The following FHIT variants were observed in gnomAD, a reference collection of about 807,000 sequenced individuals.
The protein encoded by FHIT is bis(5'-adenosyl)-triphosphatase.
FHIT carries 19 observed loss-of-function variants against 17.9 expected under a neutral mutation model. The observed-to-expected ratio is 1.06, with a 90% CI of 0.74 to 1.56. The LOEUF is 1.56. Among genes scored for constraint, FHIT ranks in the 40% most tolerant of loss-of-function variants. The pLI is 0.00. For synonymous variants in FHIT, 81 were observed against 69.7 expected, an observed-to-expected ratio of 1.16 and a Z score of -0.81; for missense variants, 248 against 189.2, an observed-to-expected ratio of 1.31 and a Z score of -1.82.
At chr3:60,182,756 C>T (rs576884822) in intron 5 of FHIT, among the ~76,000 whole-genome samples, 9 of 152,146 alleles carry the variant, frequency 5.9e-5, no homozygotes, top group African/African-American at 1.9e-4. Flanking sequence ...GCACTGCAGC[C>T]TGGGTGACAG....
chr3:60,632,099 TTTG>T (rs1553682600), intron 4 of FHIT, among the ~76,000 whole-genome samples: 3 of 152,122 alleles, frequency 2.0e-5, no homozygotes, highest in African/African-American at 7.2e-5. Flanking sequence ...TTTTTTGTTT[TTTG>T]TTTTTTTTTA....
intron 2 of FHIT, among the ~76,000 whole-genome samples, chr3:61,120,051 C>T (rs990855527): frequency 8.5e-5 from 13 of 152,222 alleles, no homozygotes; most frequent in Admixed American, 3.3e-4. Context: ...CTCTGAGTTA[C>T]AAGAGATAAT....
chr3:60,445,857 T>C (rs1177446119), intron 5 of FHIT, among the ~76,000 whole-genome samples: 1 of 152,104 alleles, frequency 6.6e-6, no homozygotes, highest in Admixed American at 6.6e-5. Context: ...CATCTTCCTA[T>C]GCAGAGAGAA....
intron 2 of FHIT, among the ~76,000 whole-genome samples, chr3:61,151,853 G>A (rs1269030527): frequency 6.6e-6 from 1 of 152,034 alleles, no homozygotes; most frequent in Non-Finnish European, 1.5e-5. Flanking sequence ...AAAGTACTGG[G>A]ATTATAGGCA....
intron 7 of FHIT, among the ~76,000 whole-genome samples, chr3:59,933,386 A>G (rs555448962): frequency 2.6e-5 from 4 of 152,326 alleles, no homozygotes; most frequent in East Asian, 3.9e-4. Context: ...TGCCATTTAC[A>G]TAAGAATATT....
rs1238853463 is a variant in FHIT at position 60,634,324 on chromosome 3, G to A, written c.-17-97345C>T. Among the ~76,000 whole-genome samples, 3 of 152,036 alleles carry A rather than the reference G, an allele frequency of 2.0e-5. No individual in the cohort carries two copies. In the East Asian group the frequency reaches 5.8e-4, roughly 29 times the overall value. On this transcript the variant is annotated intron_variant, in intron 4 of 9. Coordinates refer to ENST00000492590, the MANE Select transcript of FHIT (RefSeq NM_002012.4). ...AAATCTTTTCAAAAGCTAACAAACT[G>A]AACTAGGAGACGAAGAAAGAAAATT...
chr3:60,097,677 TTTC>T (rs1704013684), intron 5 of FHIT, among the ~76,000 whole-genome samples: 1 of 152,166 alleles, frequency 6.6e-6, no homozygotes, highest in African/African-American at 2.4e-5. Context: ...TTTTTAATCT[TTTC>T]TTAATTCTAC....
chr3:59,829,176 T>C (rs926275728), intron 8 of FHIT, among the ~76,000 whole-genome samples: 1 of 152,188 alleles, frequency 6.6e-6, no homozygotes, highest in African/African-American at 2.4e-5. Context: ...CAACTATGGA[T>C]AGTAATATTA....
intron 3 of FHIT, among the ~76,000 whole-genome samples, chr3:61,020,632 C>T (rs1170159239): frequency 6.6e-6 from 1 of 152,170 alleles, no homozygotes; most frequent in Admixed American, 6.5e-5. Context: ...AAATAAGTAG[C>T]TAGCATCATA....
chr3:60,803,206 G>C (rs974865656), intron 4 of FHIT, among the ~76,000 whole-genome samples: 1 of 152,112 alleles, frequency 6.6e-6, no homozygotes, highest in Non-Finnish European at 1.5e-5. Context: ...TTTGTTAATG[G>C]GAAAAAGCAC....
chr3:60,568,358 CA>C (rs1399513992), intron 4 of FHIT, among the ~76,000 whole-genome samples: 2 of 151,772 alleles, frequency 1.3e-5, no homozygotes, highest in Non-Finnish European at 2.9e-5. Flanking sequence ...ATCACAAGGA[CA>C]AAAAACCAAA....
chr3:59,983,816 G>T (rs941353509), intron 7 of FHIT, among the ~76,000 whole-genome samples: 2 of 152,032 alleles, frequency 1.3e-5, no homozygotes, highest in Non-Finnish European at 2.9e-5. Context: ...CAAAGACAGG[G>T]ACCTGATTTG....
At chr3:60,258,692 T>A (rs112542957) in intron 5 of FHIT, among the ~76,000 whole-genome samples, 1 of 152,128 alleles carries the variant, frequency 6.6e-6, no homozygotes, top group Non-Finnish European at 1.5e-5. Flanking sequence ...TTACGTGACA[T>A]GGGAGCCTTC....
intron 7 of FHIT, among the ~76,000 whole-genome samples, chr3:59,939,509 G>A (rs1268580759): frequency 6.6e-6 from 1 of 152,160 alleles, no homozygotes; most frequent in Non-Finnish European, 1.5e-5. Flanking sequence ...GGCGCAGGAG[G>A]TGAGGTGAGG....
rs113572713 is a variant in FHIT at position 60,451,288 on chromosome 3, C to T, written c.103+85572G>A. Among the ~76,000 whole-genome samples, 594 of 152,134 alleles carry T rather than the reference C, an allele frequency of 3.9e-3. 3 individuals carry two copies. The highest frequency in any genetic ancestry group is 0.014 in the African/African-American group (562 of 41,512). ...TCCTAAGCCACGAAAACCAACTTGC[C>T]GTTGCATATCATAAGGCCCACCTCC... On this transcript the variant is annotated intron_variant, in intron 5 of 9. Transcript: ENST00000492590.
At chr3:60,560,736 G>A (rs1025972106) in intron 4 of FHIT, among the ~76,000 whole-genome samples, 2 of 151,336 alleles carry the variant, frequency 1.3e-5, no homozygotes, top group African/African-American at 2.4e-5. Flanking sequence ...TTACTTTTAG[G>A]TGAGTTTTCC....
intron 5 of FHIT, among the ~76,000 whole-genome samples, chr3:60,533,289 C>T (rs2035853820): frequency 6.6e-6 from 1 of 152,176 alleles, no homozygotes; most frequent in South Asian, 2.1e-4. Context: ...GATTTCGGCA[C>T]ATCCTGTCTC....
chr3:61,171,230 T>C (rs1203621909), intron 2 of FHIT, among the ~76,000 whole-genome samples: 2 of 152,214 alleles, frequency 1.3e-5, no homozygotes, highest in Non-Finnish European at 2.9e-5. Flanking sequence ...TTGCACACGA[T>C]TTTTGGCCGC....
intron 2 of FHIT, among the ~76,000 whole-genome samples, chr3:61,188,453 C>CA (rs1040253701): frequency 3.9e-5 from 6 of 151,926 alleles, no homozygotes; most frequent in Non-Finnish European, 8.8e-5. Flanking sequence ...GCTTACCAAC[C>CA]AAAAAAAGTC....
Sources: gnomAD v4.1 joint callset for allele counts (sites outside exome capture counted in the v4.1 genomes callset) on GRCh38, gnomAD v4.1.1 for gene constraint, MANE v1.5 for transcripts, NCBI Gene and HGNC (gene_info 2026-07-23, HGNC 2026-07-21) for gene names.